The following PEX5L variants were observed in gnomAD, a reference collection of about 807,000 sequenced individuals.
PEX5L encodes the protein PEX5-related protein.
In PEX5L, 30 loss-of-function variants were observed where a neutral mutation model predicts 84.0. That is an observed-to-expected ratio of 0.36 (90% CI 0.27 to 0.48). PEX5L has a LOEUF of 0.48. Ranked by LOEUF, PEX5L falls within the 20% of genes least tolerant of loss-of-function variation. The probability of loss-of-function intolerance (pLI) is 0.99; values close to 1 mark genes in which losing one functional copy is unlikely to be tolerated. For synonymous variants in PEX5L, 270 were observed against 283.1 expected (o/e 0.95, Z 0.46); for missense variants, 533 against 754.6 (o/e 0.71, Z 3.44).
At chr3:179,936,669 G>C (rs1774714957) in intron 2 of PEX5L, among the ~76,000 whole-genome samples, 1 of 85,552 alleles carries the variant, frequency 1.2e-5, no homozygotes, top group African/African-American at 4.4e-5. Flanking sequence ...TTATGTGTAG[G>C]TACCCTAGAG....
intron 12 of PEX5L, among the ~76,000 whole-genome samples, chr3:179,808,886 G>T (rs1722482889): frequency 1.3e-5 from 2 of 151,562 alleles, no homozygotes; most frequent in Admixed American, 1.3e-4. Flanking sequence ...GACCATCCTG[G>T]CTAAGGTGAA....
Position 179,922,571 on chromosome 3 carries a change from C to T in PEX5L, c.94-24325G>A, listed in dbSNP as rs544741679. ...TCAAGTGATTCTCCCACCTCAGCCT[C>T]CCCAGTAGCTGGGATTACAGGCACG... On this transcript the variant is annotated intron_variant, in intron 2 of 14. Coordinates refer to ENST00000467460, the MANE Select transcript of PEX5L (RefSeq NM_016559.3). 2.4e-3 allele frequency among the ~76,000 whole-genome samples: 372 copies of T among 151,954 alleles called. 1 individual carries two copies. Among genetic ancestry groups the T allele is most frequent in the Non-Finnish European group, 4.4e-3 (299 of 67,972 alleles).
chr3:179,926,311 G>A (rs935090303), intron 2 of PEX5L, among the ~76,000 whole-genome samples: 4 of 152,060 alleles, frequency 2.6e-5, no homozygotes, highest in Non-Finnish European at 5.9e-5. Context: ...CAGTGCCCTC[G>A]GACCAGCCAG....
At chr3:179,981,931 A>C (rs1786370667) in intron 1 of PEX5L, among the ~76,000 whole-genome samples, 1 of 152,230 alleles carries the variant, frequency 6.6e-6, no homozygotes, top group Admixed American at 6.5e-5. Context: ...ATGCAAATCT[A>C]AGAACTAACT....
chr3:179,959,092 G>A (rs1781374912), intron 2 of PEX5L, among the ~76,000 whole-genome samples: 1 of 151,880 alleles, frequency 6.6e-6, no homozygotes, highest in African/African-American at 2.4e-5. Flanking sequence ...CCAGATTCCT[G>A]GGCCCCACCT....
At chr3:180,019,223 T>G (rs1377404949) in intron 1 of PEX5L, among the ~76,000 whole-genome samples, 5 of 152,172 alleles carry the variant, frequency 3.3e-5, no homozygotes. Flanking sequence ...GTCAATAATT[T>G]GAACTCCAGG....
chr3:180,019,203 T>C (rs1790215022), intron 1 of PEX5L, among the ~76,000 whole-genome samples: 1 of 152,156 alleles, frequency 6.6e-6, no homozygotes, highest in South Asian at 2.1e-4. Flanking sequence ...GGGTCACAGT[T>C]GGAAATAAAG....
chr3:179,920,660 GA>G (rs1351198274), intron 2 of PEX5L, among the ~76,000 whole-genome samples: 1 of 152,128 alleles, frequency 6.6e-6, no homozygotes, highest in East Asian at 1.9e-4. Context: ...ATCACTGGTA[GA>G]ATACATATCT....
At chr3:179,850,299 G>A (rs1741318774) in intron 8 of PEX5L, among the ~76,000 whole-genome samples, 1 of 151,804 alleles carries the variant, frequency 6.6e-6, no homozygotes, top group African/African-American at 2.4e-5. Flanking sequence ...GCTAATTTTT[G>A]TACTTTTAGT....
At chr3:179,837,108 G>A (rs1735242878) in intron 8 of PEX5L, among the ~76,000 whole-genome samples, 2 of 152,094 alleles carry the variant, frequency 1.3e-5, no homozygotes, top group Non-Finnish European at 2.9e-5. Context: ...CCTGTAGACT[G>A]GACTGGATCC....
At chr3:179,816,439 G>A (rs561374250) in intron 9 of PEX5L, among the ~76,000 whole-genome samples, 3 of 152,260 alleles carry the variant, frequency 2.0e-5, no homozygotes, top group Admixed American at 2.0e-4. Flanking sequence ...CCTTTTCAGG[G>A]ACATGGATGA....
At chr3:180,009,236 C>T (rs1789199274) in intron 1 of PEX5L, among the ~76,000 whole-genome samples, 2 of 152,102 alleles carry the variant, frequency 1.3e-5, no homozygotes, top group Admixed American at 6.5e-5. Flanking sequence ...ACAAGGGTTG[C>T]TTGTAGGGGT....
intron 2 of PEX5L, among the ~76,000 whole-genome samples, chr3:179,955,892 G>A (rs1028627825): frequency 1.3e-5 from 2 of 151,928 alleles, no homozygotes; most frequent in East Asian, 1.9e-4. Flanking sequence ...AAGTACTACC[G>A]ATGTAAAAGT....
chr3:179,912,425 C>T (rs1765496666), intron 2 of PEX5L, among the ~76,000 whole-genome samples: 1 of 152,026 alleles, frequency 6.6e-6, no homozygotes, highest in Non-Finnish European at 1.5e-5. Context: ...TTTTATGAGA[C>T]AGGTTGAAAT....
In PEX5L at chr3:179,798,901, C is replaced by T. The variant is rs1397815946; in HGVS notation, c.*2927G>A. ...TCTTGCTACTGATTTCTTGGTGGTG[C>T]TCTATTCCTATAAACTGTCACTTTT... On this transcript the variant is annotated 3_prime_UTR_variant, in exon 15 of 15. Coordinates refer to ENST00000467460, the MANE Select transcript of PEX5L (RefSeq NM_016559.3). 6.6e-6 allele frequency: 1 copy of T among 151,964 alleles called. No individual in the cohort carries two copies. The highest frequency in any genetic ancestry group is 1.5e-5 in the Non-Finnish European group (1 of 67,992). The allele number at this position is 151,964 out of a possible 1,614,324, so 9.4% of individuals were successfully genotyped here.
chr3:179,848,509 T>C (rs1364439437), intron 8 of PEX5L, among the ~76,000 whole-genome samples: 2 of 143,024 alleles, frequency 1.4e-5, no homozygotes, highest in Non-Finnish European at 3.0e-5. Context: ...ACTGAGATCA[T>C]GCCACTGAAC....
At chr3:179,893,711 T>G (rs1387426818) in intron 3 of PEX5L, among the ~76,000 whole-genome samples, 3 of 152,148 alleles carry the variant, frequency 2.0e-5, no homozygotes, top group Non-Finnish European at 4.4e-5. Flanking sequence ...ATTTAAGCAT[T>G]TGGTACTTCA....
At position 179,888,894 on chromosome 3, in the gene PEX5L, A is replaced by G. The variant is rs1298357888; in HGVS notation, c.199-1110T>C. 6.4e-4 allele frequency among the ~76,000 whole-genome samples: 98 copies of G among 151,948 alleles called. 2 individuals are homozygous for G. The highest frequency in any genetic ancestry group is 6.4e-3 in the Admixed American group (98 of 15,260). Reference sequence around the variant, plus strand: ...ATCCTCGCATCTCAGTATCCCAAATAGCTGTGACTACAGGTGTGCACCACT... The same window carrying G: ...ATCCTCGCATCTCAGTATCCCAAATGGCTGTGACTACAGGTGTGCACCACT... On this transcript the variant is annotated intron_variant, in intron 3 of 14. Coordinates refer to ENST00000467460, the MANE Select transcript of PEX5L (RefSeq NM_016559.3).
intron 8 of PEX5L, among the ~76,000 whole-genome samples, chr3:179,848,789 T>C (rs1263850824): frequency 1.3e-5 from 2 of 152,088 alleles, no homozygotes; most frequent in Non-Finnish European, 2.9e-5. Context: ...TCCCTTGCAG[T>C]TTGGGGTAGG....
Sources: allele counts gnomAD v4.1 joint callset (sites outside exome capture counted in the v4.1 genomes callset), GRCh38; gene constraint gnomAD v4.1.1; transcripts MANE v1.5; gene names NCBI Gene and HGNC (gene_info 2026-07-23, HGNC 2026-07-21).